Variants in HIVEP1 observed in about 807,000 individuals in gnomAD.
HIVEP1 encodes zinc finger protein 40.
A neutral mutation model predicts 180.0 loss-of-function variants in HIVEP1; 36 were observed. The ratio of observed to expected loss-of-function variants is 0.20; its 90% CI spans 0.15 to 0.26. The LOEUF is 0.26. Ranked by LOEUF, HIVEP1 falls within the 10% of genes least tolerant of loss-of-function variation. The pLI, the probability that HIVEP1 is intolerant of heterozygous loss-of-function variation, is 1.00. For synonymous variants in HIVEP1, 1,239 were observed against 1,239.0 expected, an observed-to-expected ratio of 1.00 and a Z score of 0.00; for missense variants, 3,143 against 3,268.7, an observed-to-expected ratio of 0.96 and a Z score of 0.94.
chr6:12,161,567 A>G lies in HIVEP1; in HGVS notation c.6616A>G (p.Thr2206Ala), dbSNP rs2113687003. ...DSQAESVLSA[T>A]PSVTASPQHL... ...CCAGGCTGAATCAGTCCTGTCAGCCACACCCTCAGTCACAGCTAGCCCGCA... is the reference window on the plus strand; with the variant it reads ...CCAGGCTGAATCAGTCCTGTCAGCCGCACCCTCAGTCACAGCTAGCCCGCA... The change falls in exon 8 of 9, where the codon ACA becomes GCA. Residue 2206 changes from threonine to alanine, a missense_variant. Coordinates refer to ENST00000379388, the MANE Select transcript of HIVEP1 (RefSeq NM_002114.4). 6.2e-7 allele frequency: 1 copy of G among 1,614,188 alleles called. No individual in the cohort carries two copies. The highest frequency in any genetic ancestry group is 8.5e-7 in the Non-Finnish European group (1 of 1,180,020).
At chr6:12,092,433 T>C (rs2113347451) in intron 3 of HIVEP1, among the ~76,000 whole-genome samples, 1 of 152,296 alleles carries the variant, frequency 6.6e-6, no homozygotes, top group African/African-American at 2.4e-5. Flanking sequence ...CTGTATGAAA[T>C]TGTTGGCCCA....
the HIVEP1 span, among the ~76,000 whole-genome samples, chr6:12,173,556 C>T: frequency 6.6e-6 from 1 of 152,114 alleles, no homozygotes; most frequent in Non-Finnish European, 1.5e-5. Context: ...ATAGAGGTCC[C>T]TACATATAAA....
At chr6:12,074,744 A>T (rs11756036) in intron 2 of HIVEP1, among the ~76,000 whole-genome samples, 1 of 146,926 alleles carries the variant, frequency 6.8e-6, no homozygotes, top group African/African-American at 2.6e-5. Flanking sequence ...TATTCTTTTT[A>T]AAAAATTATC....
At position 12,161,694 on chromosome 6, in the gene HIVEP1, T is replaced by C; in HGVS notation, c.6743T>C (p.Val2248Ala). 6.2e-7 allele frequency: 1 copy of C among 1,614,160 alleles called. No homozygotes were observed. The highest frequency in any genetic ancestry group is 8.5e-7 in the Non-Finnish European group (1 of 1,180,020). Residue 2248 changes from valine to alanine, a missense_variant, in exon 8 of 9, where the codon GTT becomes GCT. Physicochemically the swap from Val to Ala is moderately conservative, Grantham distance 64. Transcript: ENST00000379388. ...FSGVHTDPMD[V>A]LPRALLTRMT... ...GGGGTACACACGGACCCAATGGACG[T>C]TCTGCCCAGGGCGCTGCTCACCAGA...
At chr6:12,067,265 A>G (rs1771659246) in intron 2 of HIVEP1, among the ~76,000 whole-genome samples, 1 of 152,130 alleles carries the variant, frequency 6.6e-6, no homozygotes, top group African/African-American at 2.4e-5. Flanking sequence ...TTCTATTTTT[A>G]TTGAAGTGTA....
chr6:12,061,163 G>A lies in HIVEP1; in HGVS notation c.41-28021G>A, dbSNP rs554387285. ...GTGTGACGGATGTGTTTGTGCAAGT[G>A]CCTGTGGATTCTCTATGTGAAATGA... On this transcript the variant is annotated intron_variant, in intron 2 of 8. Coordinates refer to ENST00000379388, the MANE Select transcript of HIVEP1 (RefSeq NM_002114.4). Among the ~76,000 whole-genome samples, 8 of 152,302 alleles carry A rather than the reference G, an allele frequency of 5.3e-5. No homozygotes were observed. In the South Asian group the frequency reaches 1.7e-3, roughly 32 times the overall value.
intron 2 of HIVEP1, among the ~76,000 whole-genome samples, chr6:12,046,189 A>G (rs547170745): frequency 6.6e-6 from 1 of 152,338 alleles, no homozygotes; most frequent in Non-Finnish European, 1.5e-5. Flanking sequence ...TTCAAAAAAT[A>G]ATTTTATGTG....
chr6:12,073,126 G>A (rs1337619597), intron 2 of HIVEP1, among the ~76,000 whole-genome samples: 1 of 152,194 alleles, frequency 6.6e-6, no homozygotes, highest in African/African-American at 2.4e-5. Flanking sequence ...TTATTTCATA[G>A]ACTGGTGGAG....
intron 2 of HIVEP1, among the ~76,000 whole-genome samples, chr6:12,045,699 G>C (rs1409598111): frequency 1.3e-5 from 2 of 152,130 alleles, no homozygotes; most frequent in African/African-American, 4.8e-5. Context: ...ATGTTAGCAT[G>C]GTGATTTTAG....
At chr6:12,147,151 A>T (rs1759424459) in intron 7 of HIVEP1, among the ~76,000 whole-genome samples, 1 of 152,160 alleles carries the variant, frequency 6.6e-6, no homozygotes, top group Non-Finnish European at 1.5e-5. Flanking sequence ...AGGCTGGGGG[A>T]CAGGTAATAG....
the HIVEP1 span, among the ~76,000 whole-genome samples, chr6:12,172,921 A>T: frequency 6.6e-6 from 1 of 152,174 alleles, no homozygotes; most frequent in African/African-American, 2.4e-5. Flanking sequence ...TTTTCTACAA[A>T]AACGAGTATG....
the HIVEP1 span, among the ~76,000 whole-genome samples, chr6:12,202,649 G>T: frequency 6.6e-6 from 1 of 151,930 alleles, no homozygotes; most frequent in South Asian, 2.1e-4. Flanking sequence ...AATGTTGGTT[G>T]GATAAACCAA....
upstream of HIVEP1, among the ~76,000 whole-genome samples, chr6:12,010,232 T>C: frequency 6.6e-6 from 1 of 152,252 alleles, no homozygotes; most frequent in East Asian, 1.9e-4. Context: ...TTAGCATTAG[T>C]ATGCTAGACA....
chr6:12,123,360 G>A lies in HIVEP1; in HGVS notation c.3565G>A (p.Asp1189Asn). 1 of 1,614,116 alleles carries A rather than the reference G, an allele frequency of 6.2e-7. No homozygotes were observed. The highest frequency in any genetic ancestry group is 8.5e-7 in the Non-Finnish European group (1 of 1,180,026). The change falls in exon 4 of 9, where the codon GAC (aspartate) becomes AAC (asparagine). Residue 1189 changes from aspartate to asparagine, a missense_variant. Physicochemically the swap from Asp to Asn is conservative, Grantham distance 23 (BLOSUM62 1). Transcript: ENST00000379388. Reference protein sequence around the residue: ...ISQEESHPSRDGSHPHQLALS... With the variant: ...ISQEESHPSRNGSHPHQLALS... ...CCAAGAGGAAAGTCACCCTTCTCGG[G>A]ACGGGTCTCATCCTCACCAGCTTGC...
intron 2 of HIVEP1, among the ~76,000 whole-genome samples, chr6:12,078,697 CATAT>C (rs1387998954): frequency 6.7e-6 from 1 of 149,116 alleles, no homozygotes; most frequent in East Asian, 2.0e-4. Context: ...CACATATAAA[CATAT>C]ATATAAACAC....
chr6:12,114,895 C>T (rs1282001173), intron 3 of HIVEP1, among the ~76,000 whole-genome samples: 1 of 152,232 alleles, frequency 6.6e-6, no homozygotes, highest in African/African-American at 2.4e-5. Context: ...CTGGTCTGAT[C>T]TCTTGACCTT....
At chr6:12,098,615 G>A (rs1773910568) in intron 3 of HIVEP1, among the ~76,000 whole-genome samples, 2 of 152,200 alleles carry the variant, frequency 1.3e-5, no homozygotes, top group Non-Finnish European at 2.9e-5. Flanking sequence ...CCTACGTAGA[G>A]ATTTGCTCTT....
chr6:12,073,123 A>G (rs1444248707), intron 2 of HIVEP1, among the ~76,000 whole-genome samples: 1 of 152,202 alleles, frequency 6.6e-6, no homozygotes, highest in African/African-American at 2.4e-5. Context: ...AGATTATTTC[A>G]TAGACTGGTG....
chr6:12,199,505 G>A, the HIVEP1 span, among the ~76,000 whole-genome samples: 3 of 151,776 alleles, frequency 2.0e-5, no homozygotes, highest in South Asian at 4.2e-4. Context: ...GGGATTACAG[G>A]TGCCCACCAC....
Sources: gnomAD v4.1 joint callset for allele counts (sites outside exome capture counted in the v4.1 genomes callset) on GRCh38, gnomAD v4.1.1 for gene constraint, MANE v1.5 for transcripts, NCBI Gene and HGNC (gene_info 2026-07-23, HGNC 2026-07-21) for gene names.